TOM1L1: variants seen among roughly 807,000 people sequenced by gnomAD.
TOM1L1 encodes the protein TOM1-like protein 1.
TOM1L1 carries 64 observed loss-of-function variants against 63.4 expected under a neutral mutation model. The observed-to-expected ratio is 1.01, with a 90% CI of 0.83 to 1.24. The LOEUF is 1.24. Ranked by LOEUF, TOM1L1 falls within the 50% of genes most tolerant of loss-of-function variation. TOM1L1 has a pLI of 0.00. For missense variants in TOM1L1, 536 were observed against 567.0 expected (o/e 0.95, Z 0.55); for synonymous variants, 166 against 194.4 (o/e 0.85, Z 1.22).
In TOM1L1 at chr17:54,952,619, C is replaced by A. The variant is rs2143989891; in HGVS notation, c.1370+2493C>A. The stretch of plus-strand genomic sequence containing the variant: ...ACCAAGAGGCTTGGGCATGGACCTT[C>A]CTAATGTTAACTTCCTATTTCCCCT... On this transcript the variant is annotated intron_variant, in intron 14 of 15. Transcript: ENST00000575882. 2.6e-5 allele frequency: 4 copies of A among 151,810 alleles called. No individual in the cohort carries two copies. The Middle Eastern group carries it at 0.014, about 527-fold the overall frequency. The allele number at this position is 151,810 out of a possible 1,614,324, so 9.4% of individuals were successfully genotyped here.
At chr17:54,908,598 C>G (rs2048448518) in intron 3 of TOM1L1, among the ~76,000 whole-genome samples, 1 of 152,154 alleles carries the variant, frequency 6.6e-6, no homozygotes, top group Non-Finnish European at 1.5e-5. Flanking sequence ...GTTGAGTTCT[C>G]CGTGGACGTG....
chr17:54,912,862 G>A, intron 4 of TOM1L1, 47 bp downstream of exon 4: 1 of 1,424,952 alleles, frequency 7.0e-7, no homozygotes, highest in Non-Finnish European at 9.3e-7. Flanking sequence ...CTAAGATTAG[G>A]GATTTAATAG....
At chr17:54,903,128 T>C (rs2048354556) in intron 1 of TOM1L1, among the ~76,000 whole-genome samples, 2 of 152,196 alleles carry the variant, frequency 1.3e-5, no homozygotes, top group South Asian at 4.1e-4. Context: ...GTTGTGCCAA[T>C]GTTTTGGCTC....
intron 7 of TOM1L1, among the ~76,000 whole-genome samples, chr17:54,920,840 G>T (rs899463983): frequency 6.6e-6 from 1 of 152,144 alleles, no homozygotes; most frequent in Non-Finnish European, 1.5e-5. Context: ...CACTCATTAG[G>T]ATTTTTTAAA....
At chr17:54,934,266 T>C (rs943887997) in intron 8 of TOM1L1, among the ~76,000 whole-genome samples, 2 of 152,248 alleles carry the variant, frequency 1.3e-5, no homozygotes, top group African/African-American at 4.8e-5. Flanking sequence ...TTTTTATCTT[T>C]GTAGCTATAT....
intron 13 of TOM1L1, 78 bp from the exon 14 acceptor site, chr17:54,949,966 TA>T: frequency 8.5e-7 from 1 of 1,172,762 alleles, no homozygotes; most frequent in Non-Finnish European, 1.2e-6. Flanking sequence ...ATTTGAAGTC[TA>T]AATTATAAAA....
chr17:54,932,252 G>C (rs1383592020), intron 8 of TOM1L1, among the ~76,000 whole-genome samples: 1 of 152,164 alleles, frequency 6.6e-6, no homozygotes, highest in Non-Finnish European at 1.5e-5. Flanking sequence ...AGAGGGTCGT[G>C]ATTGATTGAG....
At chr17:54,935,016 C>A (rs1440311705) in intron 8 of TOM1L1, among the ~76,000 whole-genome samples, 1 of 152,170 alleles carries the variant, frequency 6.6e-6, no homozygotes, top group Non-Finnish European at 1.5e-5. Flanking sequence ...CAGTGCCTGG[C>A]TGAACTAGGT....
intron 11 of TOM1L1, 98 bp from the exon 12 acceptor site, chr17:54,947,163 C>T (rs776814102): frequency 3.4e-5 from 39 of 1,134,244 alleles, no homozygotes; most frequent in Middle Eastern, 1.9e-4. Flanking sequence ...TCTGAAGGTA[C>T]CTTTTAGGTT....
chr17:54,914,850 C>A (rs780094541), intron 6 of TOM1L1, 107 bp downstream of exon 6: 110 of 871,220 alleles, frequency 1.3e-4, no homozygotes, highest in Non-Finnish European at 1.9e-4. Context: ...TAGGTACACT[C>A]ATTTCACAGA....
intron 12 of TOM1L1, among the ~76,000 whole-genome samples, 191 bp from the exon 13 acceptor site, chr17:54,949,327 T>C (rs1010868258): frequency 1.3e-5 from 2 of 151,222 alleles, no homozygotes; most frequent in African/African-American, 4.9e-5. Flanking sequence ...TGAGCCACCA[T>C]GCCCAGCAGA....
chr17:54,911,509 C>G (rs2048496580), intron 3 of TOM1L1, among the ~76,000 whole-genome samples: 1 of 152,118 alleles, frequency 6.6e-6, no homozygotes, highest in Non-Finnish European at 1.5e-5. Context: ...ATTTTTACAC[C>G]TAGACCAGCC....
intron 1 of TOM1L1, 48 bp downstream of exon 1, chr17:54,900,971 A>C (rs910799373): frequency 6.2e-6 from 10 of 1,611,276 alleles, no homozygotes; most frequent in Non-Finnish European, 7.6e-6. Context: ...GGACCGTGGG[A>C]TCCTTTCCTG....
rs755978195 is a variant in TOM1L1, at chr17:54,954,487, T to A, written c.1370+4361T>A. The A allele has an allele frequency of 2.0e-5, 3 of 152,290 alleles. No individual in the cohort carries two copies. The South Asian group carries it at 6.2e-4, about 32-fold the overall frequency. The allele number at this position is 152,290 out of a possible 1,614,324, so 9.4% of individuals were successfully genotyped here. On this transcript the variant is annotated intron_variant, in intron 14 of 15. Transcript: ENST00000575882. ...AGAAGAGTGCAACAGGGGCCTGCTA[T>A]TGCCATAGCAGGAGCCACAGCTGGC...
chr17:54,930,836 T>C (rs941727552), intron 8 of TOM1L1, among the ~76,000 whole-genome samples: 1 of 151,992 alleles, frequency 6.6e-6, no homozygotes, highest in African/African-American at 2.4e-5. Context: ...AGTGAGACTC[T>C]GTCTCAAGAA....
intron 5 of TOM1L1, among the ~76,000 whole-genome samples, chr17:54,914,371 A>T (rs1232641347): frequency 3.5e-5 from 1 of 28,482 alleles, no homozygotes; most frequent in East Asian, 2.9e-4. Flanking sequence ...ACCCTTGGTT[A>T]AAAAAAAAAA....
intron 14 of TOM1L1, chr17:54,952,546 C>CAA (rs71159275): frequency 0.2 from 18,149 of 89,588 alleles, 2,076 homozygotes; most frequent in East Asian, 0.32. Flanking sequence ...GAGACTGTCT[C>CAA]AAAAAAAAAA....
At chr17:54,955,368 C>T (rs747844498) in intron 14 of TOM1L1, among the ~76,000 whole-genome samples, 5 of 152,172 alleles carry the variant, frequency 3.3e-5, no homozygotes, top group Non-Finnish European at 7.3e-5. Flanking sequence ...AGAAAGCACA[C>T]ACACTGTTCA....
At chr17:54,955,565 G>A (rs1415409066) in intron 14 of TOM1L1, among the ~76,000 whole-genome samples, 49 of 152,112 alleles carry the variant, frequency 3.2e-4, no homozygotes, top group Admixed American at 3.2e-3. Flanking sequence ...TATTCATTCA[G>A]GCCACAGACA....
Sources: gnomAD v4.1 joint callset for allele counts (sites outside exome capture counted in the v4.1 genomes callset) on GRCh38, gnomAD v4.1.1 for gene constraint, MANE v1.5 for transcripts, NCBI Gene and HGNC (gene_info 2026-07-23, HGNC 2026-07-21) for gene names.